ENTPD1: variants seen among roughly 807,000 people sequenced by gnomAD.
ENTPD1 encodes ATP diphosphohydrolase.
In ENTPD1, 33 loss-of-function variants were observed where a neutral mutation model predicts 57.0. That is an observed-to-expected ratio of 0.58 (90% confidence interval 0.44 to 0.77). ENTPD1 has a LOEUF of 0.77. ENTPD1 is among the 30% of genes least tolerant of loss of function. ENTPD1 has a pLI of 0.00. For synonymous variants in ENTPD1, 202 were observed against 218.8 expected (o/e 0.92, Z 0.68); for missense variants, 501 against 603.4 (o/e 0.83, Z 1.78).
chr10:95,727,085 C>T (rs1029645702), intron 1 of ENTPD1, among the ~76,000 whole-genome samples: 3 of 152,202 alleles, frequency 2.0e-5, no homozygotes, highest in African/African-American at 4.8e-5. Context: ...CAATTTGTCC[C>T]GTGTAGTCCA....
chr10:95,863,830 G>A (rs917258309), intron 8 of ENTPD1, among the ~76,000 whole-genome samples: 1 of 152,148 alleles, frequency 6.6e-6, no homozygotes, highest in East Asian at 1.9e-4. Context: ...TCTCTCTGCC[G>A]AGGGTATCCA....
rs1401902028 is a variant in ENTPD1, at chr10:95,871,289, ATC to A, written c.*4908_*4909del. 9 of 984,628 alleles carry A rather than the reference ATC, an allele frequency of 9.1e-6. No homozygotes were observed. Among genetic ancestry groups the A allele is most frequent in the East Asian group, 1.1e-4 (1 of 8,826 alleles). 61.0% of individuals were successfully genotyped at this position (984,628 alleles called of 1,614,324 possible). A position where few individuals can be genotyped will look rare whatever the true frequency, so the allele number is the denominator to read the frequency against. On this transcript the variant is annotated 3_prime_UTR_variant, in exon 10 of 10. Transcript: ENST00000371205. ...TAAAATGTGTTTACTGTAAAATATA[ATC>A]TGTTTATCTCACCAAAGAAATATTA...
intron 1 of ENTPD1, among the ~76,000 whole-genome samples, chr10:95,736,001 G>GTTTTTT (rs35402062): frequency 3.0e-5 from 4 of 134,336 alleles, no homozygotes; most frequent in Admixed American, 1.5e-4. Context: ...CATTTTCAAA[G>GTTTTTT]TTTTTTTTTT....
the ENTPD1 span, among the ~76,000 whole-genome samples, chr10:95,703,160 T>C: frequency 6.6e-6 from 1 of 152,110 alleles, no homozygotes; most frequent in African/African-American, 2.4e-5. Flanking sequence ...CCTAAAATTG[T>C]ATACCCAGCA....
Position 95,866,702 on chromosome 10 carries a change from G to C in ENTPD1, c.*319G>C, listed in dbSNP as rs2098474925. On this transcript the variant is annotated 3_prime_UTR_variant, in exon 10 of 10. Coordinates refer to ENST00000371205, the MANE Select transcript of ENTPD1 (RefSeq NM_001776.6). ...TTTATAAAAGAACAATATTGACTTTGTCTAGAAGAACTGAGAGTCTTGAGT... is the reference window on the plus strand; with the variant it reads ...TTTATAAAAGAACAATATTGACTTTCTCTAGAAGAACTGAGAGTCTTGAGT... The C allele has an allele frequency of 8.4e-7, 1 of 1,191,648 alleles. No individual in the cohort carries two copies. Among genetic ancestry groups the C allele is most frequent in the African/African-American group, 1.6e-5 (1 of 63,174 alleles). The allele number at this position is 1,191,648 out of a possible 1,614,324, so 73.8% of individuals were successfully genotyped here.
intron 1 of ENTPD1, among the ~76,000 whole-genome samples, chr10:95,766,953 C>T (rs979936625): frequency 1.3e-5 from 2 of 151,120 alleles, no homozygotes; most frequent in Non-Finnish European, 1.5e-5. Flanking sequence ...AATCATAGCT[C>T]AATGTAACCT....
At position 95,761,988 on chromosome 10, in the gene ENTPD1, G is replaced by A. The variant is rs181135683; in HGVS notation, c.16+5733G>A. Among the ~76,000 whole-genome samples the A allele has an allele frequency of 3.9e-5, 6 of 152,256 alleles. No individual in the cohort carries two copies. In the East Asian group the frequency reaches 1.2e-3, roughly 29 times the overall value. ...AAAGTGGGTGCAGAGAGAACCGATG[G>A]AATTTCTTTAGGCTTGAAAACTTGA... On this transcript the variant is annotated intron_variant, in intron 1 of 9. Coordinates refer to ENST00000371205, the MANE Select transcript of ENTPD1 (RefSeq NM_001776.6).
intron 8 of ENTPD1, 41 bp from the exon 9 acceptor site, chr10:95,864,683 C>T: frequency 6.2e-7 from 1 of 1,612,842 alleles, no homozygotes; most frequent in South Asian, 1.1e-5. Flanking sequence ...CAGAGAGGTG[C>T]CTATCATACG....
At chr10:95,704,304 G>A in the ENTPD1 span, among the ~76,000 whole-genome samples, 28 of 151,996 alleles carry the variant, frequency 1.8e-4, no homozygotes, top group African/African-American at 5.8e-4. Context: ...TCAAATTTAC[G>A]TGTAATTTCA....
In ENTPD1 at chr10:95,718,486, AG is replaced by A. The variant is rs200958244; in HGVS notation, c.37+6495del. Among the ~76,000 whole-genome samples, 337 of 151,596 alleles carry A rather than the reference AG, an allele frequency of 2.2e-3. 5 individuals are homozygous for A. The highest frequency in any genetic ancestry group is 0.018 in the Admixed American group (282 of 15,248). On this transcript the variant is annotated intron_variant, in intron 1 of 9. Transcript: ENST00000453258. ...AGCAGTGTAAGACTGCCACCTCTTT[AG>A]GTTTCTCTGTACAGCCAAGAATAAT...
the ENTPD1 span, among the ~76,000 whole-genome samples, chr10:95,701,413 T>TC: frequency 6.6e-6 from 1 of 152,346 alleles, no homozygotes; most frequent in Middle Eastern, 3.4e-3. Context: ...TCCTTGTGGA[T>TC]CTAAAGACAT....
Position 95,867,496 on chromosome 10 carries a change from G to A in ENTPD1, c.*1113G>A. 2 of 985,530 alleles carry A rather than the reference G, an allele frequency of 2.0e-6. No individual in the cohort carries two copies. Among genetic ancestry groups the A allele is most frequent in the Non-Finnish European group, 2.4e-6 (2 of 829,948 alleles). The allele number at this position is 985,530 out of a possible 1,614,324, so 61.0% of individuals were successfully genotyped here. On this transcript the variant is annotated 3_prime_UTR_variant, in exon 10 of 10. Transcript: ENST00000371205. ...ATTTTTCCAAGGTTTAATTTAGTGAGAGGGCAGCATTAGTGTGGAGTGGCA... is the reference window on the plus strand; with the variant it reads ...ATTTTTCCAAGGTTTAATTTAGTGAAAGGGCAGCATTAGTGTGGAGTGGCA...
At chr10:95,820,774 A>G (rs1449331660) in intron 1 of ENTPD1, among the ~76,000 whole-genome samples, 1 of 152,236 alleles carries the variant, frequency 6.6e-6, no homozygotes, top group Non-Finnish European at 1.5e-5. Flanking sequence ...GTGACCTGAA[A>G]TCACCTATTT....
At position 95,791,496 on chromosome 10, in the gene ENTPD1, G is replaced by T. The variant is rs1191090896; in HGVS notation, c.17-31741G>T. 2.0e-5 allele frequency among the ~76,000 whole-genome samples: 3 copies of T among 152,190 alleles called. No homozygotes were observed. The highest frequency in any genetic ancestry group is 6.5e-5 in the Admixed American group (1 of 15,274). On this transcript the variant is annotated intron_variant, in intron 1 of 9. Coordinates refer to ENST00000371205, the MANE Select transcript of ENTPD1 (RefSeq NM_001776.6). This position sits in a 1 kb window ranked among gnomAD's most constrained non-coding sequence, Gnocchi z 4.1. ...AATTTGCTTTGTAGCTTCGAGCTGG[G>T]ATCAGAGAGTGGAAGTTAGAATGAA...
At chr10:95,722,259 C>A (rs2097978329) in intron 1 of ENTPD1, among the ~76,000 whole-genome samples, 1 of 150,508 alleles carries the variant, frequency 6.6e-6, no homozygotes, top group Admixed American at 6.6e-5. Flanking sequence ...ATCCCAAGTT[C>A]ATTGTTTTTT....
chr10:95,694,991 C>G, the ENTPD1 span, among the ~76,000 whole-genome samples: 2 of 149,268 alleles, frequency 1.3e-5, no homozygotes, highest in African/African-American at 4.9e-5. Context: ...ACCTCTGCCT[C>G]TAGGATTCAG....
At chr10:95,810,590 T>A (rs1009014230) in intron 1 of ENTPD1, among the ~76,000 whole-genome samples, 2 of 152,250 alleles carry the variant, frequency 1.3e-5, no homozygotes, top group African/African-American at 4.8e-5. Flanking sequence ...TCTATGTAGA[T>A]GACCCCATCC....
At position 95,743,949 on chromosome 10, in the gene ENTPD1, T is replaced by C. The variant is rs1163278338; in HGVS notation, c.37+31956T>C. Among the ~76,000 whole-genome samples, 4 of 145,760 alleles carry C rather than the reference T, an allele frequency of 2.7e-5. No individual in the cohort carries two copies. The East Asian group carries it at 8.3e-4, about 30-fold the overall frequency. Reference sequence around the variant, plus strand: ...ATTGCTACTGCAGTATCATTGCTTATAGGCCCACTCTGCTGACAGAGCAAG... The same window carrying C: ...ATTGCTACTGCAGTATCATTGCTTACAGGCCCACTCTGCTGACAGAGCAAG... On this transcript the variant is annotated intron_variant, in intron 1 of 9. Transcript: ENST00000453258.
chr10:95,697,274 CAGA>C, the ENTPD1 span, among the ~76,000 whole-genome samples: 1 of 150,604 alleles, frequency 6.6e-6, no homozygotes, highest in Admixed American at 6.6e-5. Flanking sequence ...CGGTGGATAG[CAGA>C]AGAATTTTCC....
Sources: allele counts gnomAD v4.1 joint callset (sites outside exome capture counted in the v4.1 genomes callset), GRCh38; gene constraint gnomAD v4.1.1; non-coding constraint Gnocchi (gnomAD v3.1); transcripts MANE v1.5; gene names NCBI Gene and HGNC (gene_info 2026-07-23, HGNC 2026-07-21).